Variants in SMCHD1 observed in about 807,000 individuals in gnomAD.
The protein encoded by SMCHD1 is structural maintenance of chromosomes flexible hinge domain-containing protein 1.
In SMCHD1, 78 loss-of-function variants were observed where a neutral mutation model predicts 254.7. That is an observed-to-expected ratio of 0.31 (90% CI 0.26 to 0.37). SMCHD1 has a LOEUF of 0.37. SMCHD1 is among the 10% of genes least tolerant of loss of function. The pLI is 1.00. For missense variants in SMCHD1, 1,840 were observed against 2,408.1 expected (o/e 0.76, Z 4.94); for synonymous variants, 766 against 794.9 (o/e 0.96, Z 0.61).
chr18:2,725,161 C>T (rs1475658563), intron 21 of SMCHD1, among the ~76,000 whole-genome samples, 166 bp downstream of exon 21: 4 of 152,056 alleles, frequency 2.6e-5, no homozygotes, highest in African/African-American at 9.7e-5. Context: ...TTATCAGTTA[C>T]ATCTGTAAGA....
intron 2 of SMCHD1, 39 bp from the exon 3 acceptor site, chr18:2,666,831 T>C: frequency 6.5e-7 from 1 of 1,527,902 alleles, no homozygotes; most frequent in Non-Finnish European, 8.9e-7. Context: ...GAGTTTCTGA[T>C]GCTGACCTAG....
intron 42 of SMCHD1, among the ~76,000 whole-genome samples, chr18:2,777,065 C>CT (rs1568368174): frequency 6.8e-6 from 1 of 146,478 alleles, no homozygotes. Context: ...CACCACCTCC[C>CT]CCCCCCATAC....
At chr18:2,713,426 T>C (rs1337657528) in intron 17 of SMCHD1, among the ~76,000 whole-genome samples, 1 of 152,124 alleles carries the variant, frequency 6.6e-6, no homozygotes, top group Non-Finnish European at 1.5e-5. Context: ...TTGGTACAAG[T>C]TGAGAAATCC....
rs557376508 is a variant in SMCHD1 at position 2,803,617 on chromosome 18, A to G, written c.*1065A>G. 2.2e-4 allele frequency: 33 copies of G among 152,320 alleles called. No individual in the cohort carries two copies. Among genetic ancestry groups the G allele is most frequent in the Non-Finnish European group, 4.0e-4 (27 of 68,012 alleles). The allele number at this position is 152,320 out of a possible 1,614,324, so 9.4% of individuals were successfully genotyped here. ...AGATTGTTTCTTCCCTACTGAATAG[A>G]TAAGTGTTTTTCTTTTTTAAAATTG... On this transcript the variant is annotated 3_prime_UTR_variant, in exon 48 of 48. Coordinates refer to ENST00000320876, the MANE Select transcript of SMCHD1 (RefSeq NM_015295.3).
intron 25 of SMCHD1, among the ~76,000 whole-genome samples, chr18:2,735,385 G>C (rs892330671): frequency 1.2e-4 from 18 of 152,162 alleles, no homozygotes; most frequent in Middle Eastern, 3.4e-3. Context: ...AACAAGACAA[G>C]GATGCCTGCT....
At chr18:2,678,881 C>T (rs2073850704) in intron 5 of SMCHD1, among the ~76,000 whole-genome samples, 1 of 144,338 alleles carries the variant, frequency 6.9e-6, no homozygotes, top group African/African-American at 2.7e-5. Context: ...GGGAGTCTTG[C>T]TCTGTAGCCC....
intron 5 of SMCHD1, among the ~76,000 whole-genome samples, chr18:2,678,506 G>A (rs138411954): frequency 0.03 from 4,574 of 151,974 alleles, 236 homozygotes; most frequent in African/African-American, 0.1. Flanking sequence ...TAGTAGAGAC[G>A]AGGTTTCACC....
At position 2,769,974 on chromosome 18, in the gene SMCHD1, A is replaced by G. The variant is rs748848363; in HGVS notation, c.4847-15A>G. 1 of 1,571,020 alleles carries G rather than the reference A, an allele frequency of 6.4e-7. No individual in the cohort carries two copies. Among genetic ancestry groups the G allele is most frequent in the Non-Finnish European group, 8.6e-7 (1 of 1,166,772 alleles). On this transcript the variant is annotated splice_polypyrimidine_tract_variant and intron_variant, in intron 38 of 47. Coordinates refer to ENST00000320876, the MANE Select transcript of SMCHD1 (RefSeq NM_015295.3). Reference sequence around the variant, plus strand: ...GTTTTTAAATTATTTAAATTATCTCAATTTTTTTTCTTAGATGTTAAGAAG... The same window carrying G: ...GTTTTTAAATTATTTAAATTATCTCGATTTTTTTTCTTAGATGTTAAGAAG...
intron 34 of SMCHD1, among the ~76,000 whole-genome samples, chr18:2,759,870 T>C (rs1332488079): frequency 6.6e-6 from 1 of 152,140 alleles, no homozygotes; most frequent in Admixed American, 6.5e-5. Context: ...GCGCCCAGCC[T>C]TGTTTAAATT....
Position 2,668,765 on chromosome 18 carries a change from C to T in SMCHD1, c.424+1734C>T, listed in dbSNP as rs1406943679. Among the ~76,000 whole-genome samples the T allele has an allele frequency of 3.3e-5, 5 of 152,256 alleles. No individual in the cohort carries two copies. The South Asian group carries it at 8.3e-4, about 25-fold the overall frequency. ...TTCGCCTACCACTCTACTGTACCCA[C>T]GCTCTTATGGTCACCAACAGCTAAA... On this transcript the variant is annotated intron_variant, in intron 3 of 47. Coordinates refer to ENST00000320876, the MANE Select transcript of SMCHD1 (RefSeq NM_015295.3).
intron 45 of SMCHD1, among the ~76,000 whole-genome samples, chr18:2,790,455 T>C (rs2076302042): frequency 6.6e-6 from 1 of 152,204 alleles, no homozygotes; most frequent in Admixed American, 6.5e-5. Flanking sequence ...TAGGCTGGTA[T>C]GTATAGGACA....
At chr18:2,712,764 T>G (rs577993598) in intron 17 of SMCHD1, among the ~76,000 whole-genome samples, 1 of 152,340 alleles carries the variant, frequency 6.6e-6, no homozygotes, top group East Asian at 1.9e-4. Context: ...CAGCTCATTT[T>G]CCTCATTTTA....
intron 5 of SMCHD1, among the ~76,000 whole-genome samples, chr18:2,677,044 A>G (rs139316007): frequency 3.2e-4 from 49 of 151,960 alleles, no homozygotes; most frequent in African/African-American, 1.1e-3. Flanking sequence ...TAATATTTCA[A>G]TTTTTCTGTA....
intron 44 of SMCHD1, among the ~76,000 whole-genome samples, chr18:2,780,722 A>G (rs892179391): frequency 6.6e-6 from 1 of 152,164 alleles, no homozygotes; most frequent in East Asian, 1.9e-4. Context: ...TGGTGTAAGT[A>G]CTTGTATCAT....
chr18:2,743,116 C>CA (rs1203584331), intron 28 of SMCHD1, among the ~76,000 whole-genome samples: 2 of 152,164 alleles, frequency 1.3e-5, no homozygotes, highest in Admixed American at 1.3e-4. Context: ...CTGCAGCACT[C>CA]ACGCCAGTGT....
At chr18:2,786,401 A>T (rs2076240963) in intron 45 of SMCHD1, among the ~76,000 whole-genome samples, 2 of 152,196 alleles carry the variant, frequency 1.3e-5, no homozygotes, top group South Asian at 2.1e-4. Context: ...ATTAAAAAAT[A>T]GAACATTAGG....
intron 10 of SMCHD1, among the ~76,000 whole-genome samples, chr18:2,699,225 T>C (rs1447039992): frequency 6.6e-6 from 1 of 152,188 alleles, no homozygotes; most frequent in Non-Finnish European, 1.5e-5. Context: ...AGGGGTGTTG[T>C]GAAGATCAAA....
At chr18:2,754,850 G>A (rs577366311) in intron 34 of SMCHD1, among the ~76,000 whole-genome samples, 168 of 150,344 alleles carry the variant, frequency 1.1e-3, no homozygotes, top group African/African-American at 3.7e-3. Flanking sequence ...AATGTATAGT[G>A]TGAGGCCAGG....
At chr18:2,700,416 G>T in intron 10 of SMCHD1, 123 bp from the exon 11 acceptor site, 1 of 1,053,234 alleles carries the variant, frequency 9.5e-7, no homozygotes. Context: ...CCTTTTTGTG[G>T]GCAAACAGTA....
Sources: gnomAD v4.1 joint callset for allele counts (sites outside exome capture counted in the v4.1 genomes callset) on GRCh38, gnomAD v4.1.1 for gene constraint, MANE v1.5 for transcripts, NCBI Gene and HGNC (gene_info 2026-07-23, HGNC 2026-07-21) for gene names.